TRAF3IP2: variants seen among roughly 807,000 people sequenced by gnomAD.
The protein encoded by TRAF3IP2 is TRAF3 interacting protein 2, also known as E3 ubiquitin ligase TRAF3IP2.
In TRAF3IP2, 35 loss-of-function variants were observed where a neutral mutation model predicts 57.9. The ratio of observed to expected loss-of-function variants is 0.60; its 90% CI spans 0.46 to 0.80. The LOEUF (loss-of-function observed/expected upper bound fraction) is 0.80, where lower values mean the gene tolerates loss of function less well. Ranked by LOEUF, TRAF3IP2 falls within the 30% of genes least tolerant of loss-of-function variation. TRAF3IP2 has a pLI of 0.00. For synonymous variants in TRAF3IP2, 251 were observed against 268.9 expected, an observed-to-expected ratio of 0.93 and a Z score of 0.65; for missense variants, 556 against 706.4, an observed-to-expected ratio of 0.79 and a Z score of 2.41.
At chr6:111,572,433 C>T (rs1795859424) in intron 5 of TRAF3IP2, among the ~76,000 whole-genome samples, 1 of 152,226 alleles carries the variant, frequency 6.6e-6, no homozygotes, top group African/African-American at 2.4e-5. Flanking sequence ...GGGATTCAGG[C>T]TGCAGGATTC....
At chr6:111,594,530 C>G in intron 1 of TRAF3IP2, 1 of 450,866 alleles carries the variant, frequency 2.2e-6, no homozygotes, top group Non-Finnish European at 4.4e-6. Flanking sequence ...CATCTGGGGG[C>G]TTGGAGGAGG....
intron 6 of TRAF3IP2, chr6:111,567,224 TG>T: frequency 9.9e-7 from 1 of 1,007,218 alleles, no homozygotes; most frequent in South Asian, 4.3e-5. Flanking sequence ...ACCTCGGGGG[TG>T]GTGTGCTGTG....
chr6:111,597,393 G>A (rs1010024948), intron 1 of TRAF3IP2, among the ~76,000 whole-genome samples: 6 of 152,146 alleles, frequency 3.9e-5, no homozygotes, highest in Non-Finnish European at 8.8e-5. Flanking sequence ...GAACTGAAAA[G>A]GGTGGGGCAC....
At chr6:111,587,063 C>G (rs174375) in intron 2 of TRAF3IP2, 86,547 of 151,776 alleles carry the variant, frequency 0.57, 26,646 homozygotes, top group Admixed American at 0.69. Flanking sequence ...CTGCAAAAAA[C>G]CCATCAGCAC....
intron 5 of TRAF3IP2, among the ~76,000 whole-genome samples, chr6:111,568,814 A>G (rs1583219288): frequency 1.3e-5 from 2 of 151,972 alleles, no homozygotes; most frequent in East Asian, 3.9e-4. Flanking sequence ...AGTCCCCTGT[A>G]CCCTAAAGGC....
At chr6:111,599,066 A>ATTTTTTT (rs1017585005) in intron 1 of TRAF3IP2, among the ~76,000 whole-genome samples, 1 of 129,056 alleles carries the variant, frequency 7.7e-6, no homozygotes, top group Non-Finnish European at 1.6e-5. Flanking sequence ...CACCTGGTTA[A>ATTTTTTT]TTTTTTTTTT....
intron 2 of TRAF3IP2, among the ~76,000 whole-genome samples, chr6:111,590,548 C>A (rs1167889359): frequency 6.6e-6 from 1 of 152,006 alleles, no homozygotes; most frequent in Non-Finnish European, 1.5e-5. Context: ...CTCGATAAAG[C>A]AGTTTTTTTA....
At chr6:111,596,024 C>G (rs531064320) in intron 1 of TRAF3IP2, among the ~76,000 whole-genome samples, 16 of 152,202 alleles carry the variant, frequency 1.1e-4, no homozygotes, top group African/African-American at 1.7e-4. Flanking sequence ...ACCCTTCCCC[C>G]ACACAGCTGC....
intron 1 of TRAF3IP2, among the ~76,000 whole-genome samples, chr6:111,604,974 G>A (rs1796974423): frequency 6.6e-6 from 1 of 152,002 alleles, no homozygotes; most frequent in African/African-American, 2.4e-5. Flanking sequence ...AGAAATCCAG[G>A]CTTAGTGGAG....
chr6:111,596,764 C>T (rs756915750), intron 1 of TRAF3IP2, among the ~76,000 whole-genome samples: 9 of 151,922 alleles, frequency 5.9e-5, no homozygotes, highest in Non-Finnish European at 1.2e-4. Flanking sequence ...GTGTGCCTGA[C>T]TTTTAAAATT....
rs1795224365 is a variant in TRAF3IP2, at chr6:111,555,928, C to T, written c.*3477G>A. Among the ~76,000 whole-genome samples the T allele has an allele frequency of 6.6e-6, 1 of 151,948 alleles. No homozygotes were observed. On this transcript the variant is annotated 3_prime_UTR_variant, in exon 9 of 9. Transcript: ENST00000368761. Reference sequence around the variant, plus strand: ...ACCATCCTGGCTAACACGGTGAAACCCCGTCTCTACTAAAAATACAAAAAA... The same window carrying T: ...ACCATCCTGGCTAACACGGTGAAACTCCGTCTCTACTAAAAATACAAAAAA...
At chr6:111,593,948 T>C (rs1395312786) in intron 1 of TRAF3IP2, among the ~76,000 whole-genome samples, 2 of 152,162 alleles carry the variant, frequency 1.3e-5, no homozygotes, top group East Asian at 1.9e-4. Context: ...CTGGCTAACA[T>C]GGCAAAACCC....
chr6:111,564,222 C>A (rs1215567355), intron 7 of TRAF3IP2, among the ~76,000 whole-genome samples: 1 of 151,990 alleles, frequency 6.6e-6, no homozygotes, highest in Non-Finnish European at 1.5e-5. Context: ...GGTGTTTTTT[C>A]GGAACCACCT....
intron 5 of TRAF3IP2, 156 bp downstream of exon 5, chr6:111,572,739 A>C: frequency 1.5e-6 from 1 of 662,782 alleles, no homozygotes; most frequent in East Asian, 2.8e-5. Flanking sequence ...AATCTAGAAA[A>C]TTATTACCTA....
rs1240294619 is a variant in TRAF3IP2, at chr6:111,559,415, A to T, written c.1688T>A (p.Val563Asp). The change falls in exon 9 of 9, where the codon GTT becomes GAT. Residue 563 changes from valine to aspartate, a missense_variant. Transcript: ENST00000368761. The part of the protein sequence containing the change: ...PRGPLPTLQV[V>D]PL ...TGGGGATGAACGGTGTCACAAGGGA[A>T]CCACCTGAAGGGTGGGCAGAGGCCC... 1.2e-6 allele frequency: 2 copies of T among 1,613,444 alleles called. No homozygotes were observed. The highest frequency in any genetic ancestry group is 1.7e-6 in the Non-Finnish European group (2 of 1,179,914).
Position 111,555,785 on chromosome 6 carries a change from T to A in TRAF3IP2, c.*3620A>T, listed in dbSNP as rs1350583476. 6.6e-6 allele frequency among the ~76,000 whole-genome samples: 1 copy of A among 152,210 alleles called. No individual in the cohort carries two copies. Among genetic ancestry groups the A allele is most frequent in the Non-Finnish European group, 1.5e-5 (1 of 68,038 alleles). On this transcript the variant is annotated 3_prime_UTR_variant, in exon 9 of 9. Coordinates refer to ENST00000368761, the MANE Select transcript of TRAF3IP2 (RefSeq NM_147686.4). The stretch of plus-strand genomic sequence containing the variant: ...AATCAACCGAGTGTTAATCTTATTG[T>A]CAGTGCTCTCAAATAGTTGTTACAA...
intron 2 of TRAF3IP2, among the ~76,000 whole-genome samples, chr6:111,584,016 C>A (rs1796253754): frequency 6.6e-6 from 1 of 152,136 alleles, no homozygotes; most frequent in Non-Finnish European, 1.5e-5. Flanking sequence ...ATGTTTGAAG[C>A]CATTTTTCTT....
intron 8 of TRAF3IP2, among the ~76,000 whole-genome samples, chr6:111,562,027 T>C (rs1308837102): frequency 6.6e-6 from 1 of 152,214 alleles, no homozygotes; most frequent in Non-Finnish European, 1.5e-5. Flanking sequence ...CAGTGCAGTC[T>C]TGACATCTGA....
intron 1 of TRAF3IP2, chr6:111,600,288 T>C (rs1039370898): frequency 1.3e-5 from 2 of 152,240 alleles, no homozygotes; most frequent in Admixed American, 1.3e-4. Context: ...AGCTAATGTA[T>C]AGAGACCATA....
Sources: allele counts gnomAD v4.1 joint callset (sites outside exome capture counted in the v4.1 genomes callset), GRCh38; gene constraint gnomAD v4.1.1; transcripts MANE v1.5; gene names NCBI Gene and HGNC (gene_info 2026-07-23, HGNC 2026-07-21).